Variants in PIK3R3 observed in about 807,000 individuals in gnomAD.
PIK3R3 encodes the protein phosphatidylinositol 3-kinase regulatory subunit gamma.
Under a neutral mutation model 62.9 loss-of-function variants are expected in PIK3R3, and 64 were observed. The observed-to-expected ratio is 1.02, with a 90% CI of 0.83 to 1.25. PIK3R3 has a LOEUF of 1.25. PIK3R3 is among the 50% of genes most tolerant of loss of function. The pLI is 0.00. For synonymous variants in PIK3R3, 165 were observed against 189.0 expected, an observed-to-expected ratio of 0.87 and a Z score of 1.04; for missense variants, 614 against 561.6, an observed-to-expected ratio of 1.09 and a Z score of -0.94.
chr1:46,071,757 A>AGAGAGAGAGAGAGAGC (rs1230737377), intron 3 of PIK3R3, among the ~76,000 whole-genome samples: 4 of 128,260 alleles, frequency 3.1e-5, no homozygotes, highest in African/African-American at 1.2e-4. Flanking sequence ...AGAGAGAGAG[A>AGAGAGAGAGAGAGAGC]GAGCGCGCGC....
intron 1 of PIK3R3, among the ~76,000 whole-genome samples, chr1:46,125,302 T>G (rs1034224537): frequency 6.6e-6 from 1 of 152,046 alleles, no homozygotes; most frequent in Non-Finnish European, 1.5e-5. Context: ...TGGCATGGCT[T>G]TTACATCATT....
intron 6 of PIK3R3, chr1:46,057,189 T>C (rs1276625465): frequency 1.3e-5 from 2 of 152,934 alleles, no homozygotes; most frequent in African/African-American, 4.8e-5. Flanking sequence ...ATCTTCCTCA[T>C]TCTCTCTTTG....
intron 1 of PIK3R3, among the ~76,000 whole-genome samples, chr1:46,086,032 C>T (rs1035605478): frequency 1.3e-5 from 2 of 152,130 alleles, no homozygotes; most frequent in Non-Finnish European, 2.9e-5. Context: ...GGGCCACTCA[C>T]GCCTGGCCTA....
chr1:46,113,548 C>T (rs1327630721), intron 1 of PIK3R3, among the ~76,000 whole-genome samples: 1 of 152,042 alleles, frequency 6.6e-6, no homozygotes, highest in African/African-American at 2.4e-5. Flanking sequence ...CCACAGCCTC[C>T]CAAAGTGCCA....
the PIK3R3 span, among the ~76,000 whole-genome samples, chr1:46,165,349 AG>A: frequency 7.3e-6 from 1 of 136,586 alleles, no homozygotes; most frequent in African/African-American, 2.9e-5. Flanking sequence ...CTTGTTGCCC[AG>A]GCTGGAATGC....
chr1:46,071,759 A>AGAGAGAGAGAGAGAGAGC lies in PIK3R3; in HGVS notation c.315-4669_315-4668insGCTCTCTCTCTCTCTCTC, dbSNP rs777668187. 7.1e-3 allele frequency among the ~76,000 whole-genome samples: 701 copies of AGAGAGAGAGAGAGAGAGC among 99,404 alleles called. 6 individuals are homozygous for AGAGAGAGAGAGAGAGAGC. The highest frequency in any genetic ancestry group is 0.011 in the Non-Finnish European group (523 of 46,492). The allele number at this position is 99,404 out of a possible 152,430, so 65.2% of individuals were successfully genotyped here. A position where few individuals can be genotyped will look rare whatever the true frequency, so the allele number is the denominator to read the frequency against. ...GAGAGAGAGAGAGAGAGAGAGAGAG[A>AGAGAGAGAGAGAGAGAGC]GCGCGCGCCTGATCACAATTTCCCT... On this transcript the variant is annotated intron_variant, in intron 3 of 9. Transcript: ENST00000262741.
Position 46,044,565 on chromosome 1 carries a change from G to A in PIK3R3, c.1188-694C>T, listed in dbSNP as rs547273153. On this transcript the variant is annotated intron_variant, in intron 9 of 9. Coordinates refer to ENST00000262741, the MANE Select transcript of PIK3R3 (RefSeq NM_003629.4). The surrounding 1 kb of genome is among the most constrained non-coding windows in gnomAD (Gnocchi z 4.2). ...CATTTCCACTCAGATAACTTCAACA[G>A]CCCAAGTCAAGGAGAAATGAAATGT... is the stretch of plus-strand genomic sequence containing the variant. Among the ~76,000 whole-genome samples the A allele has an allele frequency of 2.0e-5, 3 of 152,174 alleles. No individual in the cohort carries two copies. The highest frequency in any genetic ancestry group is 4.8e-5 in the African/African-American group (2 of 41,500).
At chr1:46,099,712 G>A (rs1001436395) in intron 1 of PIK3R3, among the ~76,000 whole-genome samples, 23 of 151,916 alleles carry the variant, frequency 1.5e-4, no homozygotes, top group Admixed American at 3.9e-4. Context: ...TGAACTTAAC[G>A]GTACTTGTCC....
At chr1:46,056,032 G>C in intron 6 of PIK3R3, 61 bp from the exon 7 acceptor site, 1 of 1,102,662 alleles carries the variant, frequency 9.1e-7, no homozygotes, top group Non-Finnish European at 1.3e-6. Context: ...ATCCTACTGG[G>C]TGAGCACGGT....
At chr1:46,071,108 CCTCA>C (rs796748607) in intron 3 of PIK3R3, among the ~76,000 whole-genome samples, 3 of 152,104 alleles carry the variant, frequency 2.0e-5, no homozygotes, top group African/African-American at 7.2e-5. Flanking sequence ...CCTCCTTCTC[CCTCA>C]CTCTCTCCCT....
chr1:46,088,562 T>G (rs959445571), intron 1 of PIK3R3, among the ~76,000 whole-genome samples: 2 of 152,044 alleles, frequency 1.3e-5, no homozygotes, highest in African/African-American at 2.4e-5. Context: ...TTGTTCACAA[T>G]CTGGCAGGTA....
At chr1:46,172,633 T>A in the PIK3R3 span, among the ~76,000 whole-genome samples, 1 of 152,162 alleles carries the variant, frequency 6.6e-6, no homozygotes, top group South Asian at 2.1e-4. Flanking sequence ...GAGGCTGCAG[T>A]GAGCTAAGGT....
chr1:46,089,514 G>C (rs1651405936), intron 1 of PIK3R3, among the ~76,000 whole-genome samples: 1 of 152,062 alleles, frequency 6.6e-6, no homozygotes. Context: ...AGGAGATCAA[G>C]ACCATCCTGG....
At chr1:46,102,220 C>T (rs113488285) in intron 1 of PIK3R3, among the ~76,000 whole-genome samples, 5 of 151,892 alleles carry the variant, frequency 3.3e-5, no homozygotes, top group Non-Finnish European at 5.9e-5. Context: ...CTCCTGACCT[C>T]GTGATCCGCC....
At chr1:46,114,050 T>A (rs905245048) in intron 1 of PIK3R3, among the ~76,000 whole-genome samples, 1 of 152,214 alleles carries the variant, frequency 6.6e-6, no homozygotes, top group East Asian at 1.9e-4. Flanking sequence ...AGGGATTATG[T>A]AATCTTCATA....
Position 46,132,434 on chromosome 1 carries a change from G to A in PIK3R3, c.-482C>T, listed in dbSNP as rs1266104649. The A allele has an allele frequency of 1.7e-6, 2 of 1,151,856 alleles. No individual in the cohort carries two copies. Among genetic ancestry groups the A allele is most frequent in the Non-Finnish European group, 2.2e-6 (2 of 923,022 alleles). 71.4% of individuals were successfully genotyped at this position (1,151,856 alleles called of 1,614,324 possible). A position where few individuals can be genotyped will look rare whatever the true frequency, so the allele number is the denominator to read the frequency against. On this transcript the variant is annotated 5_prime_UTR_variant, in exon 1 of 10. Transcript: ENST00000262741. The stretch of plus-strand genomic sequence containing the variant: ...CTGGAGATTGCGTTCAAGTTTCGGG[G>A]TCCCACTGGTCTGCAGAGAGCGAAT...
At chr1:46,114,307 G>A (rs1653989810) in intron 1 of PIK3R3, among the ~76,000 whole-genome samples, 1 of 152,188 alleles carries the variant, frequency 6.6e-6, no homozygotes. Flanking sequence ...TAAGAGGGAA[G>A]AGGGAAGAGA....
chr1:46,120,408 TC>T (rs1246197582), intron 1 of PIK3R3, among the ~76,000 whole-genome samples: 1 of 152,030 alleles, frequency 6.6e-6, no homozygotes, highest in African/African-American at 2.4e-5. Flanking sequence ...AAACCACATC[TC>T]TACTAAAGAC....
chr1:46,136,538 G>T (rs1334791112), upstream of PIK3R3, among the ~76,000 whole-genome samples: 2 of 152,120 alleles, frequency 1.3e-5, no homozygotes, highest in Admixed American at 6.5e-5. Flanking sequence ...GAATACCCAT[G>T]ATAGAGTTAA....
Sources: allele counts gnomAD v4.1 joint callset (sites outside exome capture counted in the v4.1 genomes callset), GRCh38; gene constraint gnomAD v4.1.1; non-coding constraint Gnocchi (gnomAD v3.1); transcripts MANE v1.5; gene names NCBI Gene and HGNC (gene_info 2026-07-23, HGNC 2026-07-21).